MAP3K6: variants seen among roughly 807,000 people sequenced by gnomAD.
MAP3K6 encodes the protein mitogen-activated protein kinase kinase kinase 6.
In MAP3K6, 105 loss-of-function variants were observed where a neutral mutation model predicts 147.1. The observed-to-expected ratio is 0.71, with a 90% confidence interval of 0.61 to 0.84. The LOEUF is 0.84. Among genes scored for constraint, MAP3K6 ranks in the 40% least tolerant of loss-of-function variants. MAP3K6 has a pLI of 0.00. For synonymous variants in MAP3K6, 695 were observed against 732.4 expected (o/e 0.95, Z 0.82); for missense variants, 1,569 against 1,715.0 (o/e 0.91, Z 1.50).
chr1:27,360,204 A>T lies in MAP3K6; in HGVS notation c.2182+37T>A. 6.2e-7 allele frequency: 1 copy of T among 1,609,884 alleles called. No individual in the cohort carries two copies. Among genetic ancestry groups the T allele is most frequent in the Non-Finnish European group, 8.5e-7 (1 of 1,177,300 alleles). The stretch of plus-strand genomic sequence containing the variant: ...TGCCTGCCTCGGTCCCATGCTTCAC[A>T]CCTCGGTTTCATTCCCATCCCACAC... On this transcript the variant is annotated intron_variant, in intron 16 of 28. Transcript: ENST00000357582. This position sits in a 1 kb window ranked among gnomAD's most constrained non-coding sequence, Gnocchi z 4.5.
At chr1:27,365,085 C>A (rs140051475) in intron 1 of MAP3K6, among the ~76,000 whole-genome samples, 173 bp from the exon 2 acceptor site, 2 of 152,290 alleles carry the variant, frequency 1.3e-5, no homozygotes, top group East Asian at 3.9e-4. Flanking sequence ...CAGAACTGAT[C>A]TCTGTAGTGT....
chr1:27,363,663 T>C, intron 5 of MAP3K6, 115 bp from the exon 6 acceptor site: 1 of 863,452 alleles, frequency 1.2e-6, no homozygotes, highest in South Asian at 1.8e-5. Flanking sequence ...TCTGCACGCC[T>C]CCCTCAGGCC....
At position 27,366,275 on chromosome 1, in the gene MAP3K6, T is replaced by A. The variant is rs2015980201; in HGVS notation, c.323A>T (p.Asp108Val). Residue 108 changes from aspartate (D) to valine (V), a missense_variant, in exon 1 of 29, where the codon GAT becomes GTT. Asp to Val is a radical substitution (Grantham distance 152). Transcript: ENST00000357582. This position sits in a 1 kb window ranked among gnomAD's most constrained non-coding sequence, Gnocchi z 5.5. ...GCTCTCACCCGCGTTGTAGAAGGCATCCAGAGCCGCGGTGTCGCCTAGCTC... is the reference window on the plus strand; with the variant it reads ...GCTCTCACCCGCGTTGTAGAAGGCAACCAGAGCCGCGGTGTCGCCTAGCTC... ...TLELGDTAAL[D>V]AFYNADVVVL... The A allele has an allele frequency of 3.0e-6, 4 of 1,338,004 alleles. No homozygotes were observed. Among genetic ancestry groups the A allele is most frequent in the Non-Finnish European group, 3.8e-6 (4 of 1,045,618 alleles). The allele number at this position is 1,338,004 out of a possible 1,614,324, so 82.9% of individuals were successfully genotyped here.
Position 27,366,331 on chromosome 1 carries a change from C to CG in MAP3K6, c.266dup (p.Gln90AlafsTer48). On this transcript the variant is annotated frameshift_variant, in exon 1 of 29. Coordinates refer to ENST00000357582, the MANE Select transcript of MAP3K6 (RefSeq NM_004672.5). LOFTEE classifies it high-confidence loss of function. The surrounding 1 kb of genome is among the most constrained non-coding windows in gnomAD (Gnocchi z 5.5). ...TCCCGAAGGGCAGGCTGCGCAGCTG[C>CG]GGGGGCGGCCGCGGCCGGGGGACCT... is the stretch of plus-strand genomic sequence containing the variant. 3.1e-6 allele frequency: 4 copies of CG among 1,295,562 alleles called. No individual in the cohort carries two copies. The highest frequency in any genetic ancestry group is 3.9e-6 in the Non-Finnish European group (4 of 1,023,356). 80.3% of individuals were successfully genotyped at this position (1,295,562 alleles called of 1,614,324 possible).
rs1386543492 is a variant in MAP3K6 at position 27,365,728 on chromosome 1, C to G, written c.340+530G>C. ...CACCCAGTATCCAGTCCCGTCGGGC[C>G]CCTTCGCTTCTCTTTTTGCCTCTCC... On this transcript the variant is annotated intron_variant, in intron 1 of 28. Coordinates refer to ENST00000357582, the MANE Select transcript of MAP3K6 (RefSeq NM_004672.5). 2.6e-5 allele frequency among the ~76,000 whole-genome samples: 4 copies of G among 152,122 alleles called. No homozygotes were observed. In the East Asian group the frequency reaches 7.7e-4, roughly 29 times the overall value.
chr1:27,359,002 C>G lies in MAP3K6; in HGVS notation c.2426-136G>C. The G allele has an allele frequency of 1.1e-6, 1 of 876,726 alleles. No homozygotes were observed. Among genetic ancestry groups the G allele is most frequent in the Non-Finnish European group, 1.7e-6 (1 of 581,734 alleles). 54.3% of individuals were successfully genotyped at this position (876,726 alleles called of 1,614,324 possible). ...TCCAAAATATACCTCAACACCTATC[C>G]TGGTCATCAAACATCTATCCTGAGT... On this transcript the variant is annotated intron_variant, in intron 18 of 28. Coordinates refer to ENST00000357582, the MANE Select transcript of MAP3K6 (RefSeq NM_004672.5). The surrounding 1 kb of genome is among the most constrained non-coding windows in gnomAD (Gnocchi z 4.4).
Position 27,362,174 on chromosome 1 carries a change from G to C in MAP3K6, c.1332C>G (p.Tyr444Ter). 2 of 1,613,690 alleles carry C rather than the reference G, an allele frequency of 1.2e-6. No homozygotes were observed. The highest frequency in any genetic ancestry group is 3.3e-4 in the Middle Eastern group (2 of 6,062). Reference protein sequence around the residue: ...KMQYYWDVGFYLGAQILANDP... With the variant: ...KMQYYWDVGF ...CATTGGCGAGGATCTGGGCTCCCAGGTAGAAACCCACATCCCAGTAATACT... is the reference window on the plus strand; with the variant it reads ...CATTGGCGAGGATCTGGGCTCCCAGCTAGAAACCCACATCCCAGTAATACT... Residue 444 changes from tyrosine (Y) to a stop codon, truncating the protein, a stop_gained, in exon 9 of 29, where the codon TAC becomes TAG. Transcript: ENST00000357582. LOFTEE classifies it high-confidence loss of function.
intron 22 of MAP3K6, 52 bp downstream of exon 22, chr1:27,357,659 A>G (rs1239411556): frequency 3.1e-6 from 5 of 1,594,354 alleles, no homozygotes; most frequent in Non-Finnish European, 4.3e-6. Flanking sequence ...GGACATCAAC[A>G]GGTGTCCTGA....
rs2015531485 is a variant in MAP3K6 at position 27,356,584 on chromosome 1, C to G, written c.3524+6G>C. ...AGAGGCTATGAGCGATTCCAAGGGG[C>G]TTTACCGATCAGTCTCTGCCCTCAA... is the stretch of plus-strand genomic sequence containing the variant. On this transcript the variant is annotated splice_donor_region_variant and intron_variant, in intron 25 of 28. Coordinates refer to ENST00000357582, the MANE Select transcript of MAP3K6 (RefSeq NM_004672.5). The G allele has an allele frequency of 6.2e-7, 1 of 1,612,384 alleles. No homozygotes were observed. Among genetic ancestry groups the G allele is most frequent in the Non-Finnish European group, 8.5e-7 (1 of 1,179,030 alleles).
In MAP3K6 at chr1:27,363,966, A is replaced by G. The variant is rs2015878368; in HGVS notation, c.815T>C (p.Leu272Pro). The G allele has an allele frequency of 6.2e-7, 1 of 1,609,482 alleles. No homozygotes were observed. The highest frequency in any genetic ancestry group is 8.5e-7 in the Non-Finnish European group (1 of 1,179,450). The change falls in exon 5 of 29, where the codon CTG becomes CCG. Residue 272 changes from leucine (L) to proline (P), a missense_variant. Coordinates refer to ENST00000357582, the MANE Select transcript of MAP3K6 (RefSeq NM_004672.5). ...CAAGTTCATGATGATGTCGGGGCTCAGCAGCTCCACGCTGTCCAGTCTCCG... is the reference window on the plus strand; with the variant it reads ...CAAGTTCATGATGATGTCGGGGCTCGGCAGCTCCACGCTGTCCAGTCTCCG... ...LQRRLDSVEL[L>P]SPDIIMNLLL...
chr1:27,357,319 G>A, intron 23 of MAP3K6, 81 bp downstream of exon 23: 1 of 1,509,724 alleles, frequency 6.6e-7, no homozygotes, highest in South Asian at 1.3e-5. Context: ...ATCTGGGAAC[G>A]TCAAGTCCTG....
rs750651291 is a variant in MAP3K6 at position 27,361,301 on chromosome 1, C to A, written c.1736+45G>T. The stretch of plus-strand genomic sequence containing the variant: ...TAAGCGTCAGGCTGGGTGGCAGCGA[C>A]CCTCACCTCCCGTCTTTCCAGTCAC... On this transcript the variant is annotated intron_variant, in intron 12 of 28. Transcript: ENST00000357582. 95 of 1,613,602 alleles carry A rather than the reference C, an allele frequency of 5.9e-5. 2 individuals are homozygous for A. In the South Asian group the frequency reaches 1.0e-3, roughly 18 times the overall value.
Position 27,360,601 on chromosome 1 carries a change from G to A in MAP3K6, c.2054+104C>T. ...CAGGGCTCGAACTCTCAGGTCCTAC[G>A]AGCCCGCCCACTAGGCCCCGCCCAC... On this transcript the variant is annotated intron_variant, in intron 15 of 28. Transcript: ENST00000357582. This position sits in a 1 kb window ranked among gnomAD's most constrained non-coding sequence, Gnocchi z 4.5. The A allele has an allele frequency of 6.8e-7, 1 of 1,471,966 alleles. No homozygotes were observed. Among genetic ancestry groups the A allele is most frequent in the African/African-American group, 1.4e-5 (1 of 71,440 alleles). The allele number at this position is 1,471,966 out of a possible 1,614,324, so 91.2% of individuals were successfully genotyped here. A position where few individuals can be genotyped will look rare whatever the true frequency, so the allele number is the denominator to read the frequency against.
Position 27,359,830 on chromosome 1 carries a change from A to T in MAP3K6, c.2319+28T>A. The T allele has an allele frequency of 6.2e-7, 1 of 1,612,746 alleles. No homozygotes were observed. Among genetic ancestry groups the T allele is most frequent in the South Asian group, 1.1e-5 (1 of 91,060 alleles). On this transcript the variant is annotated intron_variant, in intron 17 of 28. Transcript: ENST00000357582. This position sits in a 1 kb window ranked among gnomAD's most constrained non-coding sequence, Gnocchi z 4.4. ...TTTCCTTCCCCGCCACCCTCAGCAG[A>T]TGAGGGCGGGCCAGCCCCAGGGCTT...
chr1:27,364,488 T>C lies in MAP3K6; in HGVS notation c.505-94A>G, dbSNP rs148095758. On this transcript the variant is annotated intron_variant, in intron 3 of 28. Transcript: ENST00000357582. The surrounding 1 kb of genome is among the most constrained non-coding windows in gnomAD (Gnocchi z 4.4). ...CATCAAAGGTCAGCATCAGTGGGAA[T>C]TGGAATCGCAGGAAAGGGGCACCCG... 36 of 1,556,214 alleles carry C rather than the reference T, an allele frequency of 2.3e-5. No homozygotes were observed. The East Asian group carries it at 3.8e-4, about 17-fold the overall frequency.
Position 27,362,111 on chromosome 1 carries a change from A to C in MAP3K6, c.1395T>G (p.Tyr465Ter). The C allele has an allele frequency of 6.2e-7, 1 of 1,613,062 alleles. No individual in the cohort carries two copies. Among genetic ancestry groups the C allele is most frequent in the Non-Finnish European group, 8.5e-7 (1 of 1,179,590 alleles). The change falls in exon 9 of 29, where the codon TAT (tyrosine) becomes TAG (stop). Residue 465 changes from tyrosine to a stop codon, truncating the protein, a stop_gained. Transcript: ENST00000357582. LOFTEE classifies it high-confidence loss of function. ...TQVVLAAEQLYKLNAPIWYLV... is the reference protein window; with the variant it reads ...TQVVLAAEQL Reference sequence around the variant, plus strand: ...CCTACCATATGGGGGCATTGAGCTTATACAGCTGCTCTGCAGCCAGCACCA... The same window carrying C: ...CCTACCATATGGGGGCATTGAGCTTCTACAGCTGCTCTGCAGCCAGCACCA...
chr1:27,359,540 G>A lies in MAP3K6; in HGVS notation c.2320-18C>T. 1 of 1,613,996 alleles carries A rather than the reference G, an allele frequency of 6.2e-7. No homozygotes were observed. Among genetic ancestry groups the A allele is most frequent in the Admixed American group, 1.7e-5 (1 of 60,014 alleles). On this transcript the variant is annotated intron_variant, in intron 17 of 28. Coordinates refer to ENST00000357582, the MANE Select transcript of MAP3K6 (RefSeq NM_004672.5). The surrounding 1 kb of genome is among the most constrained non-coding windows in gnomAD (Gnocchi z 4.4). ...TTGTCCCCCTGATTGACAGCCATTA[G>A]TGGACACTGGTCTGGGCCCCTGCCA... is the stretch of plus-strand genomic sequence containing the variant.
chr1:27,359,800 C>G lies in MAP3K6; in HGVS notation c.2319+58G>C. 6.2e-7 allele frequency: 1 copy of G among 1,607,010 alleles called. No homozygotes were observed. ...CTAAACTGCCAGCCTGCGTCTGGGA[C>G]CATGTTTCCTTCCCCGCCACCCTCA... On this transcript the variant is annotated intron_variant, in intron 17 of 28. Transcript: ENST00000357582. This position sits in a 1 kb window ranked among gnomAD's most constrained non-coding sequence, Gnocchi z 4.4.
chr1:27,360,005 A>G lies in MAP3K6; in HGVS notation c.2183-11T>C, dbSNP rs1571067981. On this transcript the variant is annotated splice_polypyrimidine_tract_variant and intron_variant, in intron 16 of 28. Coordinates refer to ENST00000357582, the MANE Select transcript of MAP3K6 (RefSeq NM_004672.5). This position sits in a 1 kb window ranked among gnomAD's most constrained non-coding sequence, Gnocchi z 4.5. ...AGGAGGACAGGCTGCCTGGGTGGGG[A>G]CAGTCCAAGTTCATTCTTCCCACCC... 6.2e-7 allele frequency: 1 copy of G among 1,613,730 alleles called. No homozygotes were observed. The highest frequency in any genetic ancestry group is 8.5e-7 in the Non-Finnish European group (1 of 1,179,922).
Sources: allele counts gnomAD v4.1 joint callset (sites outside exome capture counted in the v4.1 genomes callset), GRCh38; gene constraint gnomAD v4.1.1; non-coding constraint Gnocchi (gnomAD v3.1); transcripts MANE v1.5; gene names NCBI Gene and HGNC (gene_info 2026-07-23, HGNC 2026-07-21).